RIMKLB: variants seen among roughly 807,000 people sequenced by gnomAD.
RIMKLB encodes beta-citrylglutamate synthase B.
A neutral mutation model predicts 32.0 loss-of-function variants in RIMKLB; 7 were observed. The ratio of observed to expected loss-of-function variants is 0.22; its 90% confidence interval spans 0.12 to 0.41. The LOEUF (loss-of-function observed/expected upper bound fraction) is 0.41. Among genes scored for constraint, RIMKLB ranks in the 10% least tolerant of loss-of-function variants. The pLI, the probability that RIMKLB is intolerant of heterozygous loss-of-function variation, is 1.00. For missense variants in RIMKLB, 289 were observed against 498.7 expected, an observed-to-expected ratio of 0.58 and a Z score of 4.00; for synonymous variants, 172 against 185.1, an observed-to-expected ratio of 0.93 and a Z score of 0.57.
At chr12:8,711,640 G>C (rs1041151341) in intron 1 of RIMKLB, among the ~76,000 whole-genome samples, 1 of 151,962 alleles carries the variant, frequency 6.6e-6, no homozygotes, top group Non-Finnish European at 1.5e-5. Flanking sequence ...TCTAGCATTA[G>C]GTATATCTCC....
At position 8,754,094 on chromosome 12, in the gene RIMKLB, G is replaced by A; in HGVS notation, c.697+1G>A. ...AGAATGCAAAGCAACTGCTCATTAGGTAAAAATAATGCAATTATCTTTCTA... is the reference window on the plus strand; with the variant it reads ...AGAATGCAAAGCAACTGCTCATTAGATAAAAATAATGCAATTATCTTTCTA... On this transcript the variant is annotated splice_donor_variant, in intron 5 of 5. Coordinates refer to ENST00000535829, the MANE Select transcript of RIMKLB (RefSeq NM_001297776.2). LOFTEE classifies it high-confidence loss of function. 6.2e-7 allele frequency: 1 copy of A among 1,605,496 alleles called. No individual in the cohort carries two copies. The highest frequency in any genetic ancestry group is 8.5e-7 in the Non-Finnish European group (1 of 1,172,192).
At chr12:8,782,138 ATAAACT>A (rs1191414016), downstream of RIMKLB, among the ~76,000 whole-genome samples, 4 of 68,662 alleles carry the variant, frequency 5.8e-5, no homozygotes, top group South Asian at 3.4e-3. Context: ...AAAGAAAATG[ATAAACT>A]TGAGTTTTAA....
intron 1 of RIMKLB, chr12:8,681,967 G>A (rs1239922967): frequency 6.6e-6 from 1 of 151,890 alleles, no homozygotes; most frequent in African/African-American, 2.4e-5. Context: ...AGTCTTGTGG[G>A]ACTCAGCTCT....
At chr12:8,697,082 A>G (rs754067451), upstream of RIMKLB, 26 of 152,246 alleles carry the variant, frequency 1.7e-4, no homozygotes, top group African/African-American at 6.3e-4. Context: ...TGCTCTTAAA[A>G]TATCTCATTT....
At chr12:8,755,661 G>A (rs1378939954) in intron 5 of RIMKLB, among the ~76,000 whole-genome samples, 10 of 151,958 alleles carry the variant, frequency 6.6e-5, no homozygotes, top group African/African-American at 1.9e-4. Flanking sequence ...TCCTAACACC[G>A]CAGTGATATG....
At chr12:8,762,124 A>G (rs1244819613) in intron 5 of RIMKLB, among the ~76,000 whole-genome samples, 2 of 152,148 alleles carry the variant, frequency 1.3e-5, no homozygotes, top group East Asian at 3.8e-4. Flanking sequence ...TGGGGCGTCA[A>G]TATTTCTGGG....
chr12:8,766,335 G>C (rs1205133695), intron 5 of RIMKLB, among the ~76,000 whole-genome samples: 2 of 152,138 alleles, frequency 1.3e-5, no homozygotes, highest in African/African-American at 2.4e-5. Flanking sequence ...CTGGATTCTA[G>C]TGGTCCTTTA....
At chr12:8,741,261 T>C (rs1402798541) in intron 2 of RIMKLB, among the ~76,000 whole-genome samples, 5 of 149,010 alleles carry the variant, frequency 3.4e-5, no homozygotes, top group African/African-American at 7.6e-5. Context: ...GTCTATGGTC[T>C]TGGCAACTTG....
At chr12:8,685,810 T>C (rs1337251263) in intron 1 of RIMKLB, among the ~76,000 whole-genome samples, 5 of 151,650 alleles carry the variant, frequency 3.3e-5, no homozygotes, top group Non-Finnish European at 7.4e-5. Context: ...CGCCCAGCTA[T>C]TTTTTATTCT....
chr12:8,725,283 A>G (rs113784530), intron 2 of RIMKLB, among the ~76,000 whole-genome samples: 1 of 151,394 alleles, frequency 6.6e-6, no homozygotes, highest in Non-Finnish European at 1.5e-5. Flanking sequence ...TCTTTTTTTT[A>G]TTATTATTTT....
chr12:8,748,320 ATT>A (rs1364938971), intron 2 of RIMKLB, among the ~76,000 whole-genome samples: 2 of 152,158 alleles, frequency 1.3e-5, no homozygotes, highest in African/African-American at 4.8e-5. Context: ...CATAACTCTT[ATT>A]ACAGTAATTG....
In RIMKLB at chr12:8,774,847, C is replaced by A. The variant is rs867740478; in HGVS notation, c.*1063C>A. 1.6e-4 allele frequency: 154 copies of A among 985,508 alleles called. No individual in the cohort carries two copies. In the African/African-American group the frequency reaches 2.5e-3, roughly 16 times the overall value. 61.0% of individuals were successfully genotyped at this position (985,508 alleles called of 1,614,324 possible). A position where few individuals can be genotyped will look rare whatever the true frequency, so the allele number is the denominator to read the frequency against. On this transcript the variant is annotated 3_prime_UTR_variant, in exon 6 of 6. Transcript: ENST00000535829. ...TTCGAATGCCAGCGTTATATATTTG[C>A]ATTTTTCACATTTTACGAGGGAGTA...
intron 2 of RIMKLB, among the ~76,000 whole-genome samples, chr12:8,730,252 ATTATT>A (rs1449539707): frequency 6.6e-6 from 1 of 152,238 alleles, no homozygotes; most frequent in African/African-American, 2.4e-5. Flanking sequence ...CATCCGGCTA[ATTATT>A]TTATTTTATT....
chr12:8,780,837 G>C (rs562605219), downstream of RIMKLB: 44 of 152,070 alleles, frequency 2.9e-4, no homozygotes, highest in Non-Finnish European at 5.4e-4. Context: ...AATGCCTGTA[G>C]GTCCTTGCCT....
intron 2 of RIMKLB, among the ~76,000 whole-genome samples, chr12:8,715,304 A>C (rs1944734692): frequency 6.8e-6 from 1 of 148,106 alleles, no homozygotes; most frequent in Non-Finnish European, 1.5e-5. Context: ...AGCTCACTGC[A>C]ACCTCTGCCT....
the RIMKLB span, among the ~76,000 whole-genome samples, chr12:8,675,404 G>T: frequency 7.0e-3 from 1,069 of 152,056 alleles, 8 homozygotes; most frequent in African/African-American, 0.023. Flanking sequence ...CTTAAGTGCT[G>T]GTTTTCAAGG....
At chr12:8,720,234 A>G (rs1187079956) in intron 2 of RIMKLB, among the ~76,000 whole-genome samples, 1 of 152,228 alleles carries the variant, frequency 6.6e-6, no homozygotes, top group African/African-American at 2.4e-5. Flanking sequence ...ATTAAAACAC[A>G]TTCATTAGGA....
At chr12:8,742,845 C>A in intron 2 of RIMKLB, 1 of 190,058 alleles carries the variant, frequency 5.3e-6, no homozygotes. Flanking sequence ...ACAGAGACAT[C>A]TTAGTTAACC....
intron 2 of RIMKLB, among the ~76,000 whole-genome samples, chr12:8,721,202 T>C (rs546039615): frequency 5.9e-4 from 90 of 152,178 alleles, no homozygotes; most frequent in Non-Finnish European, 1.0e-3. Flanking sequence ...TAACACAAAC[T>C]TTTGGTTGAT....
Sources: allele counts gnomAD v4.1 joint callset (sites outside exome capture counted in the v4.1 genomes callset), GRCh38; gene constraint gnomAD v4.1.1; transcripts MANE v1.5; gene names NCBI Gene and HGNC (gene_info 2026-07-23, HGNC 2026-07-21).